TRIOBP: variants seen among roughly 807,000 people sequenced by gnomAD.
TRIOBP encodes TRIO and F-actin-binding protein.
Under a neutral mutation model 238.8 loss-of-function variants are expected in TRIOBP, and 169 were observed. The ratio of observed to expected loss-of-function variants is 0.71; its 90% CI spans 0.62 to 0.80. TRIOBP has a LOEUF of 0.80. Ranked by LOEUF, TRIOBP falls within the 30% of genes least tolerant of loss-of-function variation. The pLI, the probability that TRIOBP is intolerant of heterozygous loss-of-function variation, is 0.00. For synonymous variants in TRIOBP, 1,150 were observed against 1,274.4 expected (o/e 0.90, Z 2.08); for missense variants, 2,838 against 3,122.6 (o/e 0.91, Z 2.17).
At chr22:37,709,315 C>T (rs1923112042) in intron 3 of TRIOBP, among the ~76,000 whole-genome samples, 1 of 152,224 alleles carries the variant, frequency 6.6e-6, no homozygotes, top group African/African-American at 2.4e-5. Context: ...TCTTGCCCCT[C>T]CCGGCTCTCA....
At chr22:37,745,563 A>T (rs1925179912) in intron 11 of TRIOBP, among the ~76,000 whole-genome samples, 1 of 152,210 alleles carries the variant, frequency 6.6e-6, no homozygotes, top group African/African-American at 2.4e-5. Context: ...AAACCAAAAA[A>T]GACCCATTTG....
rs1569062608 is a variant in TRIOBP at position 37,767,258 on chromosome 22, ACAGAGTGAGACTCCG to A, written c.6473-815_6473-801del. 7.9e-5 allele frequency among the ~76,000 whole-genome samples: 12 copies of A among 151,126 alleles called. No individual in the cohort carries two copies. In the East Asian group the frequency reaches 2.2e-3, roughly 27 times the overall value. On this transcript the variant is annotated intron_variant, in intron 18 of 23. Coordinates refer to ENST00000644935, the MANE Select transcript of TRIOBP (RefSeq NM_001039141.3). Reference sequence around the variant, plus strand: ...AGAGTGAGACTCCGTCTCCTGGGTGACAGAGTGAGACTCCGTCTCCTGGGTGACAGAGTGAGACTC... The same window carrying A: ...AGAGTGAGACTCCGTCTCCTGGGTGATCTCCTGGGTGACAGAGTGAGACTC...
At chr22:37,699,867 CATTT>C (rs894595367) in intron 2 of TRIOBP, among the ~76,000 whole-genome samples, 13 of 150,962 alleles carry the variant, frequency 8.6e-5, no homozygotes, top group Middle Eastern at 3.4e-3. Context: ...TTTTCATTTT[CATTT>C]ATTTATTTAT....
At chr22:37,728,513 A>G (rs995645022) in intron 7 of TRIOBP, among the ~76,000 whole-genome samples, 2 of 152,096 alleles carry the variant, frequency 1.3e-5, no homozygotes, top group East Asian at 3.8e-4. Flanking sequence ...TAATATCCAG[A>G]TGACAACCGT....
At chr22:37,772,508 G>C (rs1333633024) in intron 22 of TRIOBP, 93 bp from the exon 23 acceptor site, 1 of 1,575,122 alleles carries the variant, frequency 6.3e-7, no homozygotes, top group Non-Finnish European at 8.7e-7. Context: ...AGGTATCTGC[G>C]GGGAGGTCTG....
chr22:37,699,147 C>G (rs562757116), intron 2 of TRIOBP, among the ~76,000 whole-genome samples: 59 of 152,142 alleles, frequency 3.9e-4, no homozygotes, highest in African/African-American at 1.4e-3. Context: ...GAGACTTCGT[C>G]TCAAAAAAAC....
At chr22:37,721,300 A>T (rs1259607020) in intron 6 of TRIOBP, among the ~76,000 whole-genome samples, 1 of 152,184 alleles carries the variant, frequency 6.6e-6, no homozygotes, top group Non-Finnish European at 1.5e-5. Context: ...GGCGTGAGCC[A>T]CCGTGCCTGG....
rs1337324231 is a variant in TRIOBP, at chr22:37,723,691, A to G, written c.1135A>G (p.Arg379Gly). The G allele has an allele frequency of 1.2e-6, 2 of 1,613,436 alleles. No individual in the cohort carries two copies. The highest frequency in any genetic ancestry group is 1.7e-6 in the Non-Finnish European group (2 of 1,179,892). ...TTGTACTCCCCAGCGGGAAAACCCCAGGACACCCTGTGTCCAGCAGGACGA... is the reference window on the plus strand; with the variant it reads ...TTGTACTCCCCAGCGGGAAAACCCCGGGACACCCTGTGTCCAGCAGGACGA... ...PTCTPQRENP[R>G]TPCVQQDDPR... The change falls in exon 7 of 24, where the codon AGG (arginine) becomes GGG (glycine). Residue 379 changes from arginine (R) to glycine (G), a missense_variant. Around this residue, in one of 5 missense-constraint regions of TRIOBP, gnomAD observed 535 missense variants for 537.3 expected, o/e 1.00. Transcript: ENST00000644935.
chr22:37,762,617 C>T (rs902226737), intron 17 of TRIOBP, among the ~76,000 whole-genome samples: 8 of 151,910 alleles, frequency 5.3e-5, no homozygotes, highest in African/African-American at 1.5e-4. Context: ...GGGATGGGCA[C>T]GGGGAGCAGG....
intron 11 of TRIOBP, among the ~76,000 whole-genome samples, chr22:37,743,844 T>TGTGTGTGC (rs35321886): frequency 2.7e-5 from 3 of 110,218 alleles, no homozygotes; most frequent in East Asian, 2.6e-4. Flanking sequence ...TGTGTGTGTG[T>TGTGTGTGC]GCTGGGTGTG....
intron 2 of TRIOBP, among the ~76,000 whole-genome samples, chr22:37,700,142 G>T (rs1212255168): frequency 6.6e-6 from 1 of 152,096 alleles, no homozygotes; most frequent in African/African-American, 2.4e-5. Flanking sequence ...CTCCCAAAGT[G>T]CTGGGATTAC....
chr22:37,737,259 G>A (rs1020673321), intron 9 of TRIOBP, among the ~76,000 whole-genome samples: 1 of 152,158 alleles, frequency 6.6e-6, no homozygotes, highest in Non-Finnish European at 1.5e-5. Flanking sequence ...AGGAGATGGT[G>A]GCTGGGAAGG....
chr22:37,726,115 T>C lies in TRIOBP; in HGVS notation c.3559T>C (p.Phe1187Leu), dbSNP rs5756795. The change falls in exon 7 of 24, where the codon TTC (phenylalanine) becomes CTC (leucine). Residue 1187 changes from phenylalanine (F) to leucine (L), a missense_variant. Phe to Leu is a conservative substitution (Grantham distance 22, BLOSUM62 0). Coordinates refer to ENST00000644935, the MANE Select transcript of TRIOBP (RefSeq NM_001039141.3). Reference protein sequence around the residue: ...PPRQAPEPSLFFQDPPGTSME... With the variant: ...PPRQAPEPSLLFQDPPGTSME... ...ACGCCAGGCTCCTGAGCCATCCCTC[T>C]TCTTCCAGGATCCCCCTGGAACTAG... The C allele has an allele frequency of 0.42, 683,140 of 1,611,308 alleles. 149,226 individuals are homozygous for C. Among genetic ancestry groups the C allele is most frequent in the East Asian group, 0.56 (25,236 of 44,728 alleles).
rs367918001 is a variant in TRIOBP at position 37,769,069 on chromosome 22, C to T, written c.6617C>T (p.Ser2206Leu). ...CTGAAGCGAGAGCTGCAGGTGCTAT[C>T]GGAGCAGTACTCGCAGAAGTGCCTG... Reference protein sequence around the residue: ...EALKRELQVLSEQYSQKCLEI... With the variant: ...EALKRELQVLLEQYSQKCLEI... Residue 2206 changes from serine to leucine, a missense_variant, in exon 20 of 24, where the codon TCG (serine) becomes TTG (leucine). Physicochemically the swap from Ser to Leu is moderately radical, Grantham distance 145. Coordinates refer to ENST00000644935, the MANE Select transcript of TRIOBP (RefSeq NM_001039141.3). 3.1e-6 allele frequency: 5 copies of T among 1,613,546 alleles called. No individual in the cohort carries two copies. Among genetic ancestry groups the T allele is most frequent in the African/African-American group, 2.7e-5 (2 of 75,064 alleles).
chr22:37,749,139 G>T (rs1925436833), intron 11 of TRIOBP, among the ~76,000 whole-genome samples: 1 of 152,100 alleles, frequency 6.6e-6, no homozygotes, highest in African/African-American at 2.4e-5. Context: ...TGGATCACTT[G>T]AGGTCAGGAG....
At chr22:37,773,177 G>GTGGT (rs3041692) in intron 23 of TRIOBP, among the ~76,000 whole-genome samples, 3,811 of 150,052 alleles carry the variant, frequency 0.025, 57 homozygotes, top group African/African-American at 0.035. Context: ...AGGGCTCAAA[G>GTGGT]TGGTTGGTTG....
At chr22:37,703,597 C>T (rs1325420607) in intron 3 of TRIOBP, among the ~76,000 whole-genome samples, 1 of 150,888 alleles carries the variant, frequency 6.6e-6, no homozygotes, top group Non-Finnish European at 1.5e-5. Context: ...CTCGGCCTCC[C>T]AGGTTTATGC....
intron 23 of TRIOBP, 148 bp downstream of exon 23, chr22:37,772,912 G>A (rs945975022): frequency 8.8e-6 from 9 of 1,022,002 alleles, no homozygotes; most frequent in African/African-American, 1.6e-5. Flanking sequence ...CCAGCAACAC[G>A]GGGTTGTTGC....
intron 11 of TRIOBP, chr22:37,746,237 T>A (rs1925245167): frequency 9.4e-7 from 1 of 1,063,106 alleles, no homozygotes; most frequent in Middle Eastern, 4.3e-4. Flanking sequence ...AAAAAAGTTT[T>A]ATGGGCGGAT....
Sources: gnomAD v4.1 joint callset for allele counts (sites outside exome capture counted in the v4.1 genomes callset) on GRCh38, gnomAD v4.1.1 for gene constraint, gnomAD v4.1.1 regional missense constraint, MANE v1.5 for transcripts, NCBI Gene and HGNC (gene_info 2026-07-23, HGNC 2026-07-21) for gene names.